DNAJC13: variants seen among roughly 807,000 people sequenced by gnomAD.
DNAJC13 encodes the protein DnaJ heat shock protein family (Hsp40) member C13, also known as dnaJ homolog subfamily C member 13.
A neutral mutation model predicts 290.5 loss-of-function variants in DNAJC13; 75 were observed. That is an observed-to-expected ratio of 0.26 (90% CI 0.21 to 0.31). The LOEUF (loss-of-function observed/expected upper bound fraction) is 0.31. Among genes scored for constraint, DNAJC13 ranks in the 10% least tolerant of loss-of-function variants. The pLI is 1.00. For missense variants in DNAJC13, 2,260 were observed against 2,674.5 expected, an observed-to-expected ratio of 0.85 and a Z score of 3.42; for synonymous variants, 862 against 892.0, an observed-to-expected ratio of 0.97 and a Z score of 0.60.
intron 20 of DNAJC13, among the ~76,000 whole-genome samples, chr3:132,467,967 A>G (rs1934058321): frequency 6.6e-6 from 1 of 152,124 alleles, no homozygotes; most frequent in Non-Finnish European, 1.5e-5. Context: ...GCACCTATAA[A>G]AATAAAGGTG....
intron 1 of DNAJC13, among the ~76,000 whole-genome samples, 186 bp downstream of exon 1, chr3:132,417,946 C>T (rs1938840693): frequency 6.6e-6 from 1 of 152,302 alleles, no homozygotes; most frequent in South Asian, 2.1e-4. Flanking sequence ...GGACGCCCCC[C>T]CGGCTTTGAG....
intron 1 of DNAJC13, among the ~76,000 whole-genome samples, chr3:132,420,339 A>C (rs957369538): frequency 4.6e-5 from 7 of 152,144 alleles, no homozygotes; most frequent in Admixed American, 2.0e-4. Flanking sequence ...AAAAGCTTTA[A>C]TCTCTGGGGA....
At chr3:132,423,192 T>C (rs1313319359) in intron 1 of DNAJC13, among the ~76,000 whole-genome samples, 1 of 152,034 alleles carries the variant, frequency 6.6e-6, no homozygotes, top group African/African-American at 2.4e-5. Context: ...GGCAGGAGGA[T>C]TGCTTGAACC....
intron 20 of DNAJC13, 54 bp downstream of exon 20, chr3:132,467,367 C>T (rs1225311031): frequency 6.3e-7 from 1 of 1,579,196 alleles, no homozygotes; most frequent in Non-Finnish European, 8.6e-7. Context: ...TCCTAGTCTA[C>T]TTTAGTTCCT....
At position 132,447,383 on chromosome 3, in the gene DNAJC13, C is replaced by T. The variant is rs745398447; in HGVS notation, c.207C>T (p.Asn69=). The T allele has an allele frequency of 3.7e-6, 6 of 1,607,964 alleles. No individual in the cohort carries two copies. Among genetic ancestry groups the T allele is most frequent in the Non-Finnish European group, 4.2e-6 (5 of 1,177,316 alleles). Residue 69 remains asparagine (N), a synonymous_variant, in exon 4 of 56, where the codon AAC becomes AAT. Coordinates refer to ENST00000260818, the MANE Select transcript of DNAJC13 (RefSeq NM_015268.4). Reference sequence around the variant, plus strand: ...GAAAAGGACAAGGAACGGAGTTCAACCTCACATTTCGTAAAGGCAGTGGAA... The same window carrying T: ...GAAAAGGACAAGGAACGGAGTTCAATCTCACATTTCGTAAAGGCAGTGGAA... ...PVGKGQGTEF[N]LTFRKGSGKK... is the part of the protein sequence containing the mutation.
intron 20 of DNAJC13, among the ~76,000 whole-genome samples, chr3:132,468,366 G>A (rs948583704): frequency 6.6e-6 from 1 of 152,116 alleles, no homozygotes; most frequent in Non-Finnish European, 1.5e-5. Context: ...GTTTCTTATG[G>A]ATTACCAGAA....
At position 132,492,545 on chromosome 3, in the gene DNAJC13, T is replaced by G; in HGVS notation, c.3755T>G (p.Phe1252Cys). Residue 1252 changes from phenylalanine (F) to cysteine (C), a missense_variant, in exon 33 of 56, where the codon TTT becomes TGT. Physicochemically the swap from Phe to Cys is radical, Grantham distance 205. This residue lies in a region of DNAJC13 where 1,494 missense variants were observed against 1,693.7 expected (regional missense o/e 0.88). Coordinates refer to ENST00000260818, the MANE Select transcript of DNAJC13 (RefSeq NM_015268.4). ...INYPQLENEL[F>C]CNIYYLKQLC... ...TATCCACAACTCGAAAATGAACTAT[T>G]TTGTAATATTTATTACCTCAAACAA... 1 of 1,613,868 alleles carries G rather than the reference T, an allele frequency of 6.2e-7. No homozygotes were observed. The highest frequency in any genetic ancestry group is 8.5e-7 in the Non-Finnish European group (1 of 1,179,824).
chr3:132,529,193 T>C (rs1411948976), intron 54 of DNAJC13, among the ~76,000 whole-genome samples: 4 of 152,210 alleles, frequency 2.6e-5, no homozygotes, highest in African/African-American at 9.6e-5. Context: ...CATATAAATA[T>C]AATCATACAT....
chr3:132,510,837 G>C (rs1449061040), intron 43 of DNAJC13, among the ~76,000 whole-genome samples: 3 of 152,128 alleles, frequency 2.0e-5, no homozygotes, highest in Non-Finnish European at 4.4e-5. Context: ...TCTAATCTCA[G>C]AATTGTTACA....
At chr3:132,523,088 C>T in intron 49 of DNAJC13, 69 bp from the exon 50 acceptor site, 1 of 1,608,360 alleles carries the variant, frequency 6.2e-7, no homozygotes, top group Admixed American at 1.7e-5. Flanking sequence ...ACCTCTAAAA[C>T]TTATGCTAAA....
intron 46 of DNAJC13, chr3:132,514,893 GGAAAAT>G: frequency 2.8e-6 from 1 of 353,184 alleles, no homozygotes; most frequent in Non-Finnish European, 5.1e-6. Context: ...CAAAACCAAA[GGAAAAT>G]AACCTGGGAT....
intron 1 of DNAJC13, among the ~76,000 whole-genome samples, chr3:132,427,133 A>T (rs747296412): frequency 0.015 from 1,861 of 122,134 alleles, 16 homozygotes; most frequent in African/African-American, 0.017. Context: ...ATATATATAT[A>T]TTTTTTTTTT....
Position 132,496,727 on chromosome 3 carries a change from A to T in DNAJC13, c.4156+64A>T, listed in dbSNP as rs1935244987. 10 of 1,297,734 alleles carry T rather than the reference A, an allele frequency of 7.7e-6. No homozygotes were observed. The South Asian group carries it at 1.8e-4, about 24-fold the overall frequency. The allele number at this position is 1,297,734 out of a possible 1,614,324, so 80.4% of individuals were successfully genotyped here. A position where few individuals can be genotyped will look rare whatever the true frequency, so the allele number is the denominator to read the frequency against. On this transcript the variant is annotated intron_variant, in intron 36 of 55. Transcript: ENST00000260818. ...CTAACCTTATCACAGCTAACCCTAT[A>T]CCATATTACCTGTTTCTACAGCATA...
At chr3:132,522,686 C>T in intron 48 of DNAJC13, 142 bp from the exon 49 acceptor site, 1 of 657,314 alleles carries the variant, frequency 1.5e-6, no homozygotes, top group Non-Finnish European at 2.5e-6. Context: ...CTTTTTCACT[C>T]CAGAACTTTT....
intron 1 of DNAJC13, among the ~76,000 whole-genome samples, chr3:132,434,069 G>T (rs797019822): frequency 2.2e-4 from 34 of 152,300 alleles, no homozygotes; most frequent in African/African-American, 8.2e-4. Flanking sequence ...AATTAGCTGG[G>T]CGTGGTGGCA....
At chr3:132,514,279 A>G (rs1391147375) in intron 45 of DNAJC13, among the ~76,000 whole-genome samples, 1 of 152,148 alleles carries the variant, frequency 6.6e-6, no homozygotes, top group Non-Finnish European at 1.5e-5. Flanking sequence ...AGTGAGAATC[A>G]TTATTTTCCT....
chr3:132,462,918 A>C (rs759569726), intron 16 of DNAJC13, among the ~76,000 whole-genome samples: 2 of 152,228 alleles, frequency 1.3e-5, no homozygotes, highest in Non-Finnish European at 2.9e-5. Context: ...GAAAGGCAAC[A>C]AAAAGTTCTT....
chr3:132,447,667 T>A (rs767334951), intron 4 of DNAJC13, among the ~76,000 whole-genome samples, 197 bp downstream of exon 4: 5 of 152,160 alleles, frequency 3.3e-5, no homozygotes, highest in Non-Finnish European at 7.4e-5. Context: ...ATTTGCAAGT[T>A]TATTAGTTTT....
intron 1 of DNAJC13, among the ~76,000 whole-genome samples, chr3:132,421,070 G>A (rs1938946077): frequency 6.6e-6 from 1 of 152,216 alleles, no homozygotes; most frequent in African/African-American, 2.4e-5. Flanking sequence ...ATTGGATGGA[G>A]TTATAGTTTC....
Sources: allele counts gnomAD v4.1 joint callset (sites outside exome capture counted in the v4.1 genomes callset), GRCh38; gene constraint gnomAD v4.1.1; regional missense constraint gnomAD v4.1.1; transcripts MANE v1.5; gene names NCBI Gene and HGNC (gene_info 2026-07-23, HGNC 2026-07-21).